Variants in POLN observed in about 807,000 individuals in gnomAD.
The protein encoded by POLN is DNA polymerase nu.
A neutral mutation model predicts 113.5 loss-of-function variants in POLN; 108 were observed. The ratio of observed to expected loss-of-function variants is 0.95; its 90% CI spans 0.81 to 1.12. POLN has a LOEUF of 1.12. Among genes scored for constraint, POLN ranks in the 50% most tolerant of loss-of-function variants. POLN has a pLI of 0.00. For synonymous variants in POLN, 386 were observed against 391.5 expected, an observed-to-expected ratio of 0.99 and a Z score of 0.17; for missense variants, 1,097 against 1,077.1, an observed-to-expected ratio of 1.02 and a Z score of -0.26.
At chr4:2,156,282 G>T (rs1473123728) in intron 16 of POLN, 1 of 348,060 alleles carries the variant, frequency 2.9e-6, no homozygotes, top group African/African-American at 2.1e-5. Context: ...AATTAATCAT[G>T]AGTCTTTTTT....
At chr4:2,121,442 A>AT (rs1338379763) in intron 19 of POLN, among the ~76,000 whole-genome samples, 2 of 71,868 alleles carry the variant, frequency 2.8e-5, no homozygotes, top group East Asian at 7.9e-4. Flanking sequence ...CTCAAAAAAA[A>AT]AAAAAAAAAA....
At position 2,072,142 on chromosome 4, in the gene POLN, A is replaced by G; in HGVS notation, c.2675T>C (p.Leu892Pro). Reference sequence around the variant, plus strand: ...CAGACAAAATGAAGGCGAAAAATGCAGGGGTGGGGGCTGGGTGCTGGCAGG... The same window carrying G: ...CAGACAAAATGAAGGCGAAAAATGCGGGGGTGGGGGCTGGGTGCTGGCAGG... The part of the protein sequence containing the change: ...GSPASTQPPP[L>P]HFSPSFCL The change falls in exon 26 of 26, where the codon CTG becomes CCG. Residue 892 changes from leucine (L) to proline (P), a missense_variant. Coordinates refer to ENST00000511885, the MANE Select transcript of POLN (RefSeq NM_181808.4). 7.1e-7 allele frequency: 1 copy of G among 1,403,576 alleles called. No individual in the cohort carries two copies. The highest frequency in any genetic ancestry group is 1.7e-5 in the Admixed American group (1 of 59,316). The allele number at this position is 1,403,576 out of a possible 1,614,324, so 86.9% of individuals were successfully genotyped here. A position where few individuals can be genotyped will look rare whatever the true frequency, so the allele number is the denominator to read the frequency against.
chr4:2,240,260 T>G (rs1282304774), intron 2 of POLN: 1 of 1,613,746 alleles, frequency 6.2e-7, no homozygotes. Context: ...AACTTTCAAC[T>G]ACTTCATGTA....
At chr4:2,097,487 A>T (rs1033795900) in intron 19 of POLN, among the ~76,000 whole-genome samples, 2 of 151,858 alleles carry the variant, frequency 1.3e-5, no homozygotes, top group Admixed American at 1.3e-4. Context: ...TGTAGCTGGG[A>T]TTACAGGCAC....
At chr4:2,238,279 C>A (rs1734838137) in intron 2 of POLN, among the ~76,000 whole-genome samples, 1 of 152,088 alleles carries the variant, frequency 6.6e-6, no homozygotes, top group African/African-American at 2.4e-5. Context: ...ACCTACTATG[C>A]TGAGCTGTAT....
intron 2 of POLN, among the ~76,000 whole-genome samples, chr4:2,238,235 T>G (rs1407518948): frequency 1.3e-5 from 2 of 152,154 alleles, no homozygotes; most frequent in Non-Finnish European, 2.9e-5. Flanking sequence ...TACTGCTACC[T>G]TCTCCAAATG....
chr4:2,080,874 C>T (rs1730395490), intron 23 of POLN, 84 bp downstream of exon 23: 5 of 1,606,364 alleles, frequency 3.1e-6, no homozygotes, highest in Non-Finnish European at 4.2e-6. Flanking sequence ...AGATGGTGAT[C>T]ATCAGAATCA....
rs78559506 is a variant in POLN at position 2,134,908 on chromosome 4, G to A, written c.1732-3618C>T. On this transcript the variant is annotated intron_variant, in intron 16 of 25. Coordinates refer to ENST00000511885, the MANE Select transcript of POLN (RefSeq NM_181808.4). ...TGAAAGCATGTCAGTAATAAAAATT[G>A]AATACACATAACGTACAAATTGCCA... is the stretch of plus-strand genomic sequence containing the variant. 7.0e-4 allele frequency among the ~76,000 whole-genome samples: 107 copies of A among 152,330 alleles called. No individual in the cohort carries two copies. In the East Asian group the frequency reaches 0.018, roughly 26 times the overall value.
At chr4:2,177,128 G>A (rs927084644) in intron 8 of POLN, 4 of 277,628 alleles carry the variant, frequency 1.4e-5, no homozygotes, top group Non-Finnish European at 2.2e-5. Flanking sequence ...GTTCTTGACT[G>A]CCACCTGGCA....
At chr4:2,225,115 A>G (rs1327615474) in intron 3 of POLN, among the ~76,000 whole-genome samples, 1 of 152,180 alleles carries the variant, frequency 6.6e-6, no homozygotes, top group East Asian at 1.9e-4. Context: ...ATGACTCTCC[A>G]ACCATATAAA....
At chr4:2,185,724 T>C (rs953476457) in intron 7 of POLN, among the ~76,000 whole-genome samples, 1 of 151,896 alleles carries the variant, frequency 6.6e-6, no homozygotes, top group East Asian at 1.9e-4. Context: ...CTAGCCTGAG[T>C]GACAGAGCGA....
intron 19 of POLN, among the ~76,000 whole-genome samples, chr4:2,124,139 T>G (rs1046109174): frequency 1.3e-5 from 2 of 152,072 alleles, no homozygotes; most frequent in African/African-American, 4.8e-5. Context: ...GTGTCCAGAA[T>G]AGGTAAATCT....
intron 7 of POLN, among the ~76,000 whole-genome samples, chr4:2,185,778 G>T (rs574373355): frequency 2.6e-4 from 40 of 152,008 alleles, no homozygotes; most frequent in Non-Finnish European, 4.9e-4. Context: ...AGAAATACAA[G>T]TTACGGGCTT....
Position 2,080,815 on chromosome 4 carries a change from C to T in POLN, c.2387+143G>A. On this transcript the variant is annotated intron_variant, in intron 23 of 25. Transcript: ENST00000511885. ...TGCCTGCTGTGAGTAGCCCCCAGGG[C>T]CTTCCATGGGCTGAGAGCCTCAGGA... 15 of 1,538,006 alleles carry T rather than the reference C, an allele frequency of 9.8e-6. No individual in the cohort carries two copies. In the South Asian group the frequency reaches 1.7e-4, roughly 18 times the overall value.
At chr4:2,227,125 G>A (rs983048870) in intron 3 of POLN, among the ~76,000 whole-genome samples, 7 of 152,334 alleles carry the variant, frequency 4.6e-5, no homozygotes, top group Middle Eastern at 6.8e-3. Context: ...ACACACCAAA[G>A]GCAGCAGCAT....
intron 13 of POLN, among the ~76,000 whole-genome samples, chr4:2,165,554 C>G (rs1035387114): frequency 2.0e-5 from 3 of 152,092 alleles, no homozygotes; most frequent in African/African-American, 7.2e-5. Flanking sequence ...AGAGTGAACC[C>G]TACACCCAAG....
chr4:2,130,212 CT>C (rs1278809890), intron 17 of POLN, among the ~76,000 whole-genome samples: 3 of 150,996 alleles, frequency 2.0e-5, no homozygotes, highest in Non-Finnish European at 4.4e-5. Context: ...CAACACTGCA[CT>C]CCAGCCTGGG....
Position 2,126,775 on chromosome 4 carries a change from G to A in POLN, c.1982+1338C>T, listed in dbSNP as rs1393450658. On this transcript the variant is annotated intron_variant, in intron 19 of 25. Transcript: ENST00000511885. The surrounding 1 kb of genome is among the most constrained non-coding windows in gnomAD (Gnocchi z 4.6). ...GGGGAAAGAGCTTCCTGAGCCCCAG[G>A]ACAGGAAAGGCCAGAGTGAGGCGGG... Among the ~76,000 whole-genome samples, 1 of 152,134 alleles carries A rather than the reference G, an allele frequency of 6.6e-6. No homozygotes were observed. The highest frequency in any genetic ancestry group is 1.5e-5 in the Non-Finnish European group (1 of 68,012).
intron 19 of POLN, among the ~76,000 whole-genome samples, chr4:2,120,586 C>G (rs1731415648): frequency 6.6e-6 from 1 of 152,006 alleles, no homozygotes; most frequent in African/African-American, 2.4e-5. Flanking sequence ...CTCCATCTCC[C>G]GGGTTCAAGT....
Sources: gnomAD v4.1 joint callset for allele counts (sites outside exome capture counted in the v4.1 genomes callset) on GRCh38, gnomAD v4.1.1 for gene constraint, Gnocchi (gnomAD v3.1) non-coding constraint, MANE v1.5 for transcripts, NCBI Gene and HGNC (gene_info 2026-07-23, HGNC 2026-07-21) for gene names.